The following MAP3K4 variants were observed in gnomAD, a reference collection of about 807,000 sequenced individuals.
MAP3K4 encodes mitogen-activated protein kinase kinase kinase 4, also known as MAP three kinase 1.
MAP3K4 carries 67 observed loss-of-function variants against 185.6 expected under a neutral mutation model. The ratio of observed to expected loss-of-function variants is 0.36; its 90% confidence interval spans 0.30 to 0.44. MAP3K4 has a LOEUF of 0.44. Among genes scored for constraint, MAP3K4 ranks in the 20% least tolerant of loss-of-function variants. MAP3K4 has a pLI of 1.00. For missense variants in MAP3K4, 1,551 were observed against 1,995.1 expected (o/e 0.78, Z 4.24); for synonymous variants, 702 against 710.4 (o/e 0.99, Z 0.19).
Position 161,080,779 on chromosome 6 carries a change from G to A in MAP3K4, c.2098-102G>A. 2 of 1,022,390 alleles carry A rather than the reference G, an allele frequency of 2.0e-6. No homozygotes were observed. Among genetic ancestry groups the A allele is most frequent in the African/African-American group, 1.6e-5 (1 of 62,154 alleles). The allele number at this position is 1,022,390 out of a possible 1,614,324, so 63.3% of individuals were successfully genotyped here. On this transcript the variant is annotated intron_variant, in intron 5 of 26. Transcript: ENST00000392142. The surrounding 1 kb of genome is among the most constrained non-coding windows in gnomAD (Gnocchi z 4.8). Reference sequence around the variant, plus strand: ...TGCTGCGTGCCTGTGACAGCCCCCGGCCCGCCCCCACTTTACCCTGCTGAT... The same window carrying A: ...TGCTGCGTGCCTGTGACAGCCCCCGACCCGCCCCCACTTTACCCTGCTGAT...
At chr6:161,014,192 T>C (rs1439364003) in intron 1 of MAP3K4, among the ~76,000 whole-genome samples, 2 of 152,236 alleles carry the variant, frequency 1.3e-5, no homozygotes, top group African/African-American at 4.8e-5. Context: ...TGAGAATTAA[T>C]GAACTAATAA....
At chr6:161,019,501 A>G (rs567178400) in intron 1 of MAP3K4, among the ~76,000 whole-genome samples, 1 of 152,248 alleles carries the variant, frequency 6.6e-6, no homozygotes, top group East Asian at 1.9e-4. Context: ...TCCGCCTCCC[A>G]GTTCAAGCAA....
At chr6:161,083,033 G>T (rs1185871987) in intron 6 of MAP3K4, among the ~76,000 whole-genome samples, 1 of 152,076 alleles carries the variant, frequency 6.6e-6, no homozygotes, top group Non-Finnish European at 1.5e-5. Flanking sequence ...CTCCTGTCCT[G>T]TGCTCGCTTC....
rs1226302691 is a variant in MAP3K4, at chr6:161,089,388, C to A, written c.2890C>A (p.Gln964Lys). The change falls in exon 11 of 27, where the codon CAG (glutamine) becomes AAG (lysine). Residue 964 changes from glutamine (Q) to lysine (K), a missense_variant. Coordinates refer to ENST00000392142, the MANE Select transcript of MAP3K4 (RefSeq NM_005922.4). ...HLTIQRKAFQQSIEGLMTLCQ... is the reference protein window; with the variant it reads ...HLTIQRKAFQKSIEGLMTLCQ... ...CACAATTCAGAGAAAAGCTTTCCAG[C>A]AGTCCATTGAGGGACTTATGACTCT... 8.7e-6 allele frequency: 14 copies of A among 1,614,216 alleles called. No individual in the cohort carries two copies. The highest frequency in any genetic ancestry group is 1.2e-5 in the Non-Finnish European group (14 of 1,180,032).
At position 161,086,127 on chromosome 6, in the gene MAP3K4, C is replaced by T. The variant is rs1248020483; in HGVS notation, c.2373-252C>T. The stretch of plus-strand genomic sequence containing the variant: ...TGAAATGTTAAGAAAATTGAGCTTC[C>T]TATTATTTGAAGGTTATTAAATGTG... On this transcript the variant is annotated intron_variant, in intron 7 of 26. Transcript: ENST00000392142. The surrounding 1 kb of genome is among the most constrained non-coding windows in gnomAD (Gnocchi z 4.8). 1.3e-5 allele frequency among the ~76,000 whole-genome samples: 2 copies of T among 152,088 alleles called. No individual in the cohort carries two copies. Among genetic ancestry groups the T allele is most frequent in the Admixed American group, 6.5e-5 (1 of 15,272 alleles).
chr6:161,024,361 A>T (rs932397897), intron 1 of MAP3K4, among the ~76,000 whole-genome samples: 1 of 152,206 alleles, frequency 6.6e-6, no homozygotes, highest in Non-Finnish European at 1.5e-5. Flanking sequence ...ATTAAATTTT[A>T]TATAACTTCA....
Position 161,116,977 on chromosome 6 carries a change from A to G in MAP3K4, c.*107A>G. The stretch of plus-strand genomic sequence containing the variant: ...GTATAAGCCTTTTTAACCTTCCAAG[A>G]CTGAAGACTGCACAGGTGACAAGCG... On this transcript the variant is annotated 3_prime_UTR_variant, in exon 27 of 27. Coordinates refer to ENST00000392142, the MANE Select transcript of MAP3K4 (RefSeq NM_005922.4). The surrounding 1 kb of genome is among the most constrained non-coding windows in gnomAD (Gnocchi z 6.2). 6.9e-6 allele frequency: 7 copies of G among 1,014,542 alleles called. No individual in the cohort carries two copies. Among genetic ancestry groups the G allele is most frequent in the Non-Finnish European group, 1.1e-5 (7 of 651,482 alleles). 62.8% of individuals were successfully genotyped at this position (1,014,542 alleles called of 1,614,324 possible). A position where few individuals can be genotyped will look rare whatever the true frequency, so the allele number is the denominator to read the frequency against.
At position 161,063,325 on chromosome 6, in the gene MAP3K4, G is replaced by T. The variant is rs1784562124; in HGVS notation, c.1708-7283G>T. Among the ~76,000 whole-genome samples the T allele has an allele frequency of 6.6e-6, 1 of 151,790 alleles. No homozygotes were observed. The highest frequency in any genetic ancestry group is 2.1e-4 in the South Asian group (1 of 4,780). On this transcript the variant is annotated intron_variant, in intron 3 of 26. Transcript: ENST00000392142. This position sits in a 1 kb window ranked among gnomAD's most constrained non-coding sequence, Gnocchi z 5.4. ...ATCTGCTTAGTGGACATATCTTTCT[G>T]GCAAGCGCTCACTGTCTGGAGGGTT... is the stretch of plus-strand genomic sequence containing the variant.
rs1306927617 is a variant in MAP3K4, at chr6:161,103,269, G to T, written c.3856+490G>T. Among the ~76,000 whole-genome samples the T allele has an allele frequency of 6.6e-6, 1 of 152,178 alleles. No individual in the cohort carries two copies. Among genetic ancestry groups the T allele is most frequent in the East Asian group, 1.9e-4 (1 of 5,196 alleles). ...AAATAGATGTTCTCTTTTTATAAAT[G>T]ATAGTTTCTAAGCAGCCCAATAATT... On this transcript the variant is annotated intron_variant, in intron 19 of 26. Transcript: ENST00000392142. The surrounding 1 kb of genome is among the most constrained non-coding windows in gnomAD (Gnocchi z 4.6).
intron 5 of MAP3K4, among the ~76,000 whole-genome samples, chr6:161,079,952 A>G (rs2114838654): frequency 6.6e-6 from 1 of 152,308 alleles, no homozygotes; most frequent in East Asian, 1.9e-4. Flanking sequence ...GCCTGGTGAA[A>G]ACACTGAAAC....
At chr6:160,994,724 A>G (rs1381338908) in intron 1 of MAP3K4, among the ~76,000 whole-genome samples, 1 of 152,094 alleles carries the variant, frequency 6.6e-6, no homozygotes, top group East Asian at 1.9e-4. Context: ...TTTTTGAGAC[A>G]GAGTCTTTCT....
At chr6:161,006,442 G>A (rs951247356) in intron 1 of MAP3K4, among the ~76,000 whole-genome samples, 1 of 152,122 alleles carries the variant, frequency 6.6e-6, no homozygotes, top group African/African-American at 2.4e-5. Flanking sequence ...CATATACATA[G>A]TAATTATGTT....
At chr6:161,002,911 AT>A (rs898862476) in intron 1 of MAP3K4, among the ~76,000 whole-genome samples, 3 of 151,728 alleles carry the variant, frequency 2.0e-5, no homozygotes, top group South Asian at 2.1e-4. Flanking sequence ...TTTTCTGTGT[AT>A]TTTTTTTATA....
At chr6:161,026,733 C>CTTTTT (rs553664182) in intron 1 of MAP3K4, among the ~76,000 whole-genome samples, 69 of 96,098 alleles carry the variant, frequency 7.2e-4, no homozygotes, top group African/African-American at 1.1e-3. Flanking sequence ...GTTCTCTCTC[C>CTTTTT]TTTTTTTTTT....
intron 2 of MAP3K4, among the ~76,000 whole-genome samples, chr6:161,039,998 A>ATACC (rs1355105027): frequency 6.6e-6 from 1 of 152,182 alleles, no homozygotes; most frequent in Non-Finnish European, 1.5e-5. Flanking sequence ...TGTAGATTAG[A>ATACC]TACCTAGTGG....
chr6:161,012,404 T>C (rs1781891836), intron 1 of MAP3K4, among the ~76,000 whole-genome samples: 3 of 152,172 alleles, frequency 2.0e-5, no homozygotes, highest in Admixed American at 1.3e-4. Flanking sequence ...TAAATCATAA[T>C]ATAAAGCATG....
In MAP3K4 at chr6:161,108,843, G is replaced by A; in HGVS notation, c.4220G>A (p.Gly1407Asp). 1 of 1,613,764 alleles carries A rather than the reference G, an allele frequency of 6.2e-7. No homozygotes were observed. Among genetic ancestry groups the A allele is most frequent in the East Asian group, 2.2e-5 (1 of 44,884 alleles). Residue 1407 changes from glycine (G) to aspartate (D), a missense_variant, in exon 22 of 27, where the codon GGT becomes GAT. By Grantham distance (94) the Gly-to-Asp change is moderately conservative. Transcript: ENST00000392142. This position sits in a 1 kb window ranked among gnomAD's most constrained non-coding sequence, Gnocchi z 5.7. ...CACCCCAATCTGGTTCGGTATTTTG[G>A]TGTGGAGCTCCATAGAGTAAGCCGA... ...IKHPNLVRYF[G>D]VELHREEMYI...
chr6:161,098,097 A>G lies in MAP3K4; in HGVS notation c.3525-181A>G. 1 of 714,420 alleles carries G rather than the reference A, an allele frequency of 1.4e-6. No homozygotes were observed. Among genetic ancestry groups the G allele is most frequent in the South Asian group, 2.0e-5 (1 of 51,262 alleles). 44.3% of individuals were successfully genotyped at this position (714,420 alleles called of 1,614,324 possible). A position where few individuals can be genotyped will look rare whatever the true frequency, so the allele number is the denominator to read the frequency against. On this transcript the variant is annotated intron_variant, in intron 16 of 26. Transcript: ENST00000392142. This position sits in a 1 kb window ranked among gnomAD's most constrained non-coding sequence, Gnocchi z 4.4. ...GTGCGATGCTGTCTCAAAAAAAAGA[A>G]AAGCTTTGAAGTTAGGTTTTTTCTT...
chr6:161,091,272 TG>T lies in MAP3K4; in HGVS notation c.2974-106del, dbSNP rs1345974323. 1 of 793,414 alleles carries T rather than the reference TG, an allele frequency of 1.3e-6. No homozygotes were observed. The highest frequency in any genetic ancestry group is 1.9e-6 in the Non-Finnish European group (1 of 515,082). 49.1% of individuals were successfully genotyped at this position (793,414 alleles called of 1,614,324 possible). On this transcript the variant is annotated intron_variant, in intron 11 of 26. Transcript: ENST00000392142. The surrounding 1 kb of genome is among the most constrained non-coding windows in gnomAD (Gnocchi z 5.5). ...TCCTTTACCAAGTGGCTGAATTGTT[TG>T]TAGTGGTTAATGTCTGTGTGATGAT...
Sources: allele counts gnomAD v4.1 joint callset (sites outside exome capture counted in the v4.1 genomes callset), GRCh38; gene constraint gnomAD v4.1.1; non-coding constraint Gnocchi (gnomAD v3.1); transcripts MANE v1.5; gene names NCBI Gene and HGNC (gene_info 2026-07-23, HGNC 2026-07-21).